Variants in PRKCE observed in about 807,000 individuals in gnomAD.
PRKCE encodes protein kinase C epsilon type.
Under a neutral mutation model 85.4 loss-of-function variants are expected in PRKCE, and 16 were observed. That is an observed-to-expected ratio of 0.19 (90% confidence interval 0.13 to 0.28). The LOEUF (loss-of-function observed/expected upper bound fraction) is 0.28. Ranked by LOEUF, PRKCE falls within the 10% of genes least tolerant of loss-of-function variation. The probability of loss-of-function intolerance (pLI) is 1.00; values close to 1 mark genes in which losing one functional copy is unlikely to be tolerated. For synonymous variants in PRKCE, 388 were observed against 371.5 expected (o/e 1.04, Z -0.51); for missense variants, 573 against 975.2 (o/e 0.59, Z 5.49).
rs540716655 is a variant in PRKCE at position 45,774,609 on chromosome 2, T to C, written c.349-68391T>C. Among the ~76,000 whole-genome samples the C allele has an allele frequency of 3.3e-5, 5 of 152,184 alleles. No individual in the cohort carries two copies. The East Asian group carries it at 5.8e-4, about 18-fold the overall frequency. ...GTGACTGTACAGAGCAGGCAGCCTG[T>C]GGGGTAGGGTTGCACTGAGAGGGGT... On this transcript the variant is annotated intron_variant, in intron 1 of 14. Transcript: ENST00000306156. The surrounding 1 kb of genome is among the most constrained non-coding windows in gnomAD (Gnocchi z 4.3).
At chr2:45,868,676 T>C (rs1043159743) in intron 2 of PRKCE, among the ~76,000 whole-genome samples, 12 of 149,494 alleles carry the variant, frequency 8.0e-5, no homozygotes, top group Non-Finnish European at 7.4e-5. Context: ...CTCATGCCTG[T>C]AATTCCAGCA....
At chr2:46,161,682 T>C (rs924892161) in intron 14 of PRKCE, among the ~76,000 whole-genome samples, 1 of 151,862 alleles carries the variant, frequency 6.6e-6, no homozygotes, top group African/African-American at 2.4e-5. Context: ...GGGGTTTTTA[T>C]TGAGAGGCCA....
chr2:45,763,735 G>T (rs2104849047), intron 1 of PRKCE, among the ~76,000 whole-genome samples: 1 of 152,230 alleles, frequency 6.6e-6, no homozygotes, highest in South Asian at 2.1e-4. Flanking sequence ...AAGGGCCCAA[G>T]GGATCATGTA....
At chr2:45,863,351 A>T (rs1693322481) in intron 2 of PRKCE, among the ~76,000 whole-genome samples, 1 of 152,146 alleles carries the variant, frequency 6.6e-6, no homozygotes, top group Non-Finnish European at 1.5e-5. Flanking sequence ...AGGGCTTAAA[A>T]TTTAGTCTTA....
chr2:46,021,289 A>T (rs183734230), intron 10 of PRKCE, among the ~76,000 whole-genome samples: 1 of 152,346 alleles, frequency 6.6e-6, no homozygotes, highest in African/African-American at 2.4e-5. Flanking sequence ...GTTTGCACTT[A>T]TTCTGGAAGT....
chr2:45,992,342 G>A (rs537312591), intron 6 of PRKCE, among the ~76,000 whole-genome samples: 2 of 152,238 alleles, frequency 1.3e-5, no homozygotes, highest in East Asian at 1.9e-4. Flanking sequence ...CGTGGTCCCC[G>A]GAAAGCTCTG....
chr2:45,661,683 C>A (rs1334823163), intron 1 of PRKCE, among the ~76,000 whole-genome samples: 1 of 150,048 alleles, frequency 6.7e-6, no homozygotes, highest in Non-Finnish European at 1.5e-5. Flanking sequence ...TGCCCGCCAC[C>A]ACGCCCAGCT....
In PRKCE at chr2:45,979,232, G is replaced by A. The variant is rs555326517; in HGVS notation, c.607+222G>A. The stretch of plus-strand genomic sequence containing the variant: ...TCCAGGCGTCCTTGTGATCTCAGCA[G>A]GTCCCCAATCCACCCGGCCTTTGTG... On this transcript the variant is annotated intron_variant, in intron 4 of 14. Transcript: ENST00000306156. 1.6e-4 allele frequency among the ~76,000 whole-genome samples: 24 copies of A among 152,292 alleles called. No individual in the cohort carries two copies. In the South Asian group the frequency reaches 4.1e-3, roughly 26 times the overall value.
chr2:45,962,051 G>T (rs1208041598), intron 2 of PRKCE, among the ~76,000 whole-genome samples: 1 of 152,186 alleles, frequency 6.6e-6, no homozygotes, highest in Non-Finnish European at 1.5e-5. Context: ...TTTGCTACCT[G>T]TTCCCAGGTA....
chr2:46,066,006 C>T (rs1667591899), intron 10 of PRKCE, among the ~76,000 whole-genome samples: 1 of 152,166 alleles, frequency 6.6e-6, no homozygotes, highest in Non-Finnish European at 1.5e-5. Context: ...TGCAAAGATC[C>T]AGCATCCGTC....
At chr2:46,028,200 C>T (rs1707265187) in intron 10 of PRKCE, among the ~76,000 whole-genome samples, 1 of 152,166 alleles carries the variant, frequency 6.6e-6, no homozygotes, top group South Asian at 2.1e-4. Context: ...TCTCAGCCTC[C>T]CAAAGTGCTG....
intron 11 of PRKCE, among the ~76,000 whole-genome samples, chr2:46,143,806 T>C (rs1675796097): frequency 6.6e-6 from 1 of 152,228 alleles, no homozygotes; most frequent in African/African-American, 2.4e-5. Context: ...TTATATGCTC[T>C]TTTTTCTCAA....
chr2:45,868,107 C>G, intron 2 of PRKCE, among the ~76,000 whole-genome samples: 1 of 151,836 alleles, frequency 6.6e-6, no homozygotes, highest in East Asian at 1.9e-4. Context: ...TGGGTTCAGT[C>G]CTGGCTTCAT....
At chr2:45,815,100 T>G (rs1490829357) in intron 1 of PRKCE, among the ~76,000 whole-genome samples, 1 of 152,200 alleles carries the variant, frequency 6.6e-6, no homozygotes, top group African/African-American at 2.4e-5. Flanking sequence ...AGAATTACCC[T>G]GTGGCATAAT....
chr2:45,706,388 C>T (rs1679116495), intron 1 of PRKCE, among the ~76,000 whole-genome samples: 1 of 152,178 alleles, frequency 6.6e-6, no homozygotes, highest in African/African-American at 2.4e-5. Flanking sequence ...GCTTTTCCTT[C>T]ATTTTCATCT....
At chr2:45,930,220 G>T (rs1698935889) in intron 2 of PRKCE, among the ~76,000 whole-genome samples, 1 of 152,216 alleles carries the variant, frequency 6.6e-6, no homozygotes, top group South Asian at 2.1e-4. Context: ...GTCACAGACT[G>T]AATTAGAAAT....
At chr2:45,700,443 G>C (rs776935696) in intron 1 of PRKCE, 3 of 152,198 alleles carry the variant, frequency 2.0e-5, no homozygotes, top group Non-Finnish European at 4.4e-5. Context: ...AGGAGGACAG[G>C]ATTGGTTCGG....
At position 45,923,385 on chromosome 2, in the gene PRKCE, C is replaced by T. The variant is rs1205316944; in HGVS notation, c.413-53044C>T. ...CAGAGCAGTGGCCATGTGGAGAAGC[C>T]ATCAGCCAACTGCCTGAGGCTCACA... is the stretch of plus-strand genomic sequence containing the variant. On this transcript the variant is annotated intron_variant, in intron 2 of 14. Coordinates refer to ENST00000306156, the MANE Select transcript of PRKCE (RefSeq NM_005400.3). Among the ~76,000 whole-genome samples, 5 of 152,232 alleles carry T rather than the reference C, an allele frequency of 3.3e-5. No homozygotes were observed. The East Asian group carries it at 9.6e-4, about 29-fold the overall frequency.
At chr2:46,115,153 G>C (rs893840271) in intron 11 of PRKCE, among the ~76,000 whole-genome samples, 11 of 152,162 alleles carry the variant, frequency 7.2e-5, no homozygotes, top group African/African-American at 2.7e-4. Flanking sequence ...CTTCTCTTTG[G>C]ATTAAGGTGG....
Sources: gnomAD v4.1 joint callset for allele counts (sites outside exome capture counted in the v4.1 genomes callset) on GRCh38, gnomAD v4.1.1 for gene constraint, Gnocchi (gnomAD v3.1) non-coding constraint, MANE v1.5 for transcripts, NCBI Gene and HGNC (gene_info 2026-07-23, HGNC 2026-07-21) for gene names.